The following NTNG1 variants were observed in gnomAD, a reference collection of about 807,000 sequenced individuals.
The protein encoded by NTNG1 is netrin G1, also known as netrin-G1.
A neutral mutation model predicts 54.0 loss-of-function variants in NTNG1; 16 were observed. The observed-to-expected ratio is 0.30, with a 90% CI of 0.20 to 0.45. The LOEUF (loss-of-function observed/expected upper bound fraction) is 0.45, where lower values mean the gene tolerates loss of function less well. Among genes scored for constraint, NTNG1 ranks in the 20% least tolerant of loss-of-function variants. The pLI, the probability that NTNG1 is intolerant of heterozygous loss-of-function variation, is 1.00. For missense variants in NTNG1, 530 were observed against 678.7 expected (o/e 0.78, Z 2.43); for synonymous variants, 255 against 263.1 (o/e 0.97, Z 0.30).
chr1:107,439,232 C>T (rs1398388272), intron 7 of NTNG1, among the ~76,000 whole-genome samples: 1 of 151,240 alleles, frequency 6.6e-6, no homozygotes, highest in Non-Finnish European at 1.5e-5. Context: ...GGATAGGAAT[C>T]TTGGGTAAAC....
intron 2 of NTNG1, among the ~76,000 whole-genome samples, chr1:107,268,474 GT>G (rs1663900160): frequency 7.1e-6 from 1 of 140,884 alleles, no homozygotes; most frequent in African/African-American, 2.7e-5. Context: ...GATCTTGGCT[GT>G]CTCTCATCAT....
At chr1:107,472,982 C>A (rs1291876884) in intron 7 of NTNG1, among the ~76,000 whole-genome samples, 1 of 152,152 alleles carries the variant, frequency 6.6e-6, no homozygotes, top group Non-Finnish European at 1.5e-5. Context: ...CTAAATCAGA[C>A]CTGAATGTAG....
chr1:107,392,451 G>A (rs917512966), intron 3 of NTNG1, among the ~76,000 whole-genome samples: 3 of 152,068 alleles, frequency 2.0e-5, no homozygotes, highest in Admixed American at 2.0e-4. Flanking sequence ...CCAGAACCCA[G>A]AGAACAGCAT....
At chr1:107,234,772 TA>T (rs1026764858) in intron 2 of NTNG1, among the ~76,000 whole-genome samples, 1 of 152,124 alleles carries the variant, frequency 6.6e-6, no homozygotes, top group African/African-American at 2.4e-5. Flanking sequence ...TTTTATTAGA[TA>T]AAAGCCAGTG....
chr1:107,183,414 G>A (rs1246176646), intron 2 of NTNG1, among the ~76,000 whole-genome samples: 1 of 152,058 alleles, frequency 6.6e-6, no homozygotes, highest in East Asian at 1.9e-4. Context: ...TTGTGTTTTT[G>A]TTGCAAGGGT....
chr1:107,443,574 T>C (rs1450077611), intron 7 of NTNG1, among the ~76,000 whole-genome samples: 3 of 152,120 alleles, frequency 2.0e-5, no homozygotes, highest in African/African-American at 7.2e-5. Context: ...TGTCTCTTCC[T>C]ATTTGTCGTG....
intron 3 of NTNG1, among the ~76,000 whole-genome samples, chr1:107,359,471 C>CA (rs966106302): frequency 1.3e-5 from 2 of 152,094 alleles, no homozygotes; most frequent in African/African-American, 4.8e-5. Flanking sequence ...GGTGGGCAAA[C>CA]AAAGGCTTTA....
At chr1:107,193,437 C>G (rs1382865694) in intron 2 of NTNG1, among the ~76,000 whole-genome samples, 1 of 152,036 alleles carries the variant, frequency 6.6e-6, no homozygotes, top group East Asian at 1.9e-4. Context: ...GTCCTCATAA[C>G]TCATTATTCT....
intron 1 of NTNG1, among the ~76,000 whole-genome samples, chr1:107,144,058 A>G (rs184120744): frequency 1.3e-5 from 2 of 152,100 alleles, no homozygotes; most frequent in African/African-American, 4.8e-5. Flanking sequence ...ATTTTGAGAG[A>G]CAGTTAACAA....
intron 3 of NTNG1, among the ~76,000 whole-genome samples, chr1:107,371,069 T>G (rs1670893308): frequency 6.6e-6 from 1 of 152,094 alleles, no homozygotes; most frequent in African/African-American, 2.4e-5. Context: ...AAGAAAGCAT[T>G]CTGTCTTTGA....
At chr1:107,155,442 C>T (rs549953676) in intron 2 of NTNG1, among the ~76,000 whole-genome samples, 65 of 152,246 alleles carry the variant, frequency 4.3e-4, no homozygotes, top group African/African-American at 1.4e-3. Context: ...ATCTCTATCT[C>T]TCTATCTAAT....
At chr1:107,169,896 T>A (rs1390601427) in intron 2 of NTNG1, among the ~76,000 whole-genome samples, 1 of 152,192 alleles carries the variant, frequency 6.6e-6, no homozygotes, top group East Asian at 1.9e-4. Context: ...TGGCAGGCTG[T>A]AAGAAAGGGG....
chr1:107,202,365 T>C (rs920251529), intron 2 of NTNG1, among the ~76,000 whole-genome samples: 21 of 151,906 alleles, frequency 1.4e-4, no homozygotes, highest in African/African-American at 4.6e-4. Flanking sequence ...ATCTACCTAA[T>C]TGTAAAGAAT....
At chr1:107,431,760 T>G (rs1477484015) in intron 6 of NTNG1, among the ~76,000 whole-genome samples, 2 of 152,194 alleles carry the variant, frequency 1.3e-5, no homozygotes, top group East Asian at 3.8e-4. Context: ...GCAATGCATA[T>G]ATTTGAAATG....
chr1:107,141,410 C>G (rs1352502084), intron 1 of NTNG1: 2 of 150,206 alleles, frequency 1.3e-5, no homozygotes, highest in Non-Finnish European at 1.5e-5. Context: ...GCCGCCGCCC[C>G]GCGCCGTCGG....
chr1:107,258,562 A>G (rs1233868136), intron 2 of NTNG1, among the ~76,000 whole-genome samples: 2 of 152,238 alleles, frequency 1.3e-5, no homozygotes, highest in Non-Finnish European at 2.9e-5. Context: ...TCTTCCATGT[A>G]TTAATTTCCT....
At chr1:107,474,679 C>T (rs554794605) in intron 7 of NTNG1, among the ~76,000 whole-genome samples, 13 of 152,292 alleles carry the variant, frequency 8.5e-5, no homozygotes, top group Admixed American at 2.0e-4. Context: ...CTTGTAATGG[C>T]CTTCTTGTTG....
At chr1:107,480,590 A>AAAAAAAC in intron 7 of NTNG1, 21 bp from the exon 8 acceptor site, 7 of 352,584 alleles carry the variant, frequency 2.0e-5, no homozygotes, top group Non-Finnish European at 3.2e-5. Flanking sequence ...ACCCACCCCT[A>AAAAAAAC]CCTTCCCCCT....
chr1:107,216,215 G>T (rs1023019359), intron 2 of NTNG1, among the ~76,000 whole-genome samples: 3 of 152,248 alleles, frequency 2.0e-5, no homozygotes, highest in African/African-American at 7.2e-5. Flanking sequence ...GGGCATCCTT[G>T]TCTTATTCCA....
Sources: allele counts gnomAD v4.1 joint callset (sites outside exome capture counted in the v4.1 genomes callset), GRCh38; gene constraint gnomAD v4.1.1; transcripts MANE v1.5; gene names NCBI Gene and HGNC (gene_info 2026-07-23, HGNC 2026-07-21).